Variants in RYR1 observed in about 807,000 individuals in gnomAD.
RYR1 encodes ryanodine receptor 1, also known as central core disease of muscle.
Under a neutral mutation model 583.5 loss-of-function variants are expected in RYR1, and 342 were observed. That is an observed-to-expected ratio of 0.59 (90% confidence interval 0.54 to 0.64). RYR1 has a LOEUF of 0.64. Ranked by LOEUF, RYR1 falls within the 30% of genes least tolerant of loss-of-function variation. RYR1 has a pLI of 0.00. For missense variants in RYR1, 6,032 were observed against 6,917.2 expected, an observed-to-expected ratio of 0.87 and a Z score of 4.54; for synonymous variants, 2,791 against 2,822.5, an observed-to-expected ratio of 0.99 and a Z score of 0.35.
At chr19:38,501,686 A>G (rs1417130188) in intron 47 of RYR1, among the ~76,000 whole-genome samples, 7 of 152,016 alleles carry the variant, frequency 4.6e-5, no homozygotes, top group Non-Finnish European at 8.8e-5. Context: ...GCCTTCCGAG[A>G]GGGGGTTTAA....
intron 34 of RYR1, among the ~76,000 whole-genome samples, chr19:38,486,622 T>C (rs1969312955): frequency 6.6e-6 from 1 of 152,200 alleles, no homozygotes; most frequent in South Asian, 2.1e-4. Flanking sequence ...ATTACAGGCG[T>C]GAGCCACCGC....
Position 38,460,464 on chromosome 19 carries a change from G to A in RYR1, c.2450G>A (p.Arg817Gln), listed in dbSNP as rs759902314. The A allele has an allele frequency of 5.0e-5, 81 of 1,614,076 alleles. No individual in the cohort carries two copies. The highest frequency in any genetic ancestry group is 5.8e-5 in the Non-Finnish European group (69 of 1,180,034). ...YAPCHEAVLP[R>Q]ERLHLEPIKE... The stretch of plus-strand genomic sequence containing the variant: ...CCATGCCATGAGGCTGTGCTCCCTC[G>A]AGAGCGACTCCATCTTGAACCCATC... The change falls in exon 20 of 106, where the codon CGA (arginine) becomes CAA (glutamine). Residue 817 changes from arginine to glutamine, a missense_variant. Physicochemically the swap from Arg to Gln is conservative, Grantham distance 43 (BLOSUM62 1). Transcript: ENST00000359596.
In RYR1 at chr19:38,478,588, C is replaced by G. The variant is rs1407277477; in HGVS notation, c.4608C>G (p.Asn1536Lys). The G allele has an allele frequency of 1.9e-6, 3 of 1,612,036 alleles. No individual in the cohort carries two copies. In the African/African-American group the frequency reaches 4.0e-5, roughly 22 times the overall value. The change falls in exon 31 of 106, where the codon AAC (asparagine) becomes AAG (lysine). Residue 1536 changes from asparagine to lysine, a missense_variant. Around this residue, in one of 11 missense-constraint regions of RYR1, gnomAD observed 2,627 missense variants for 2,961.3 expected, o/e 0.89. Transcript: ENST00000359596. ...TTACAGCCAATGGCAAAGAGAGCAA[C>G]ACCTTTTTCCAGGTGAGTCCAGGCC... ...MTFTANGKES[N>K]TFFQVEPNTK... is the part of the protein sequence containing the mutation.
At position 38,490,812 on chromosome 19, in the gene RYR1, GA is replaced by G; in HGVS notation, c.6127+81del. 6 of 879,832 alleles carry G rather than the reference GA, an allele frequency of 6.8e-6. No homozygotes were observed. The South Asian group carries it at 8.0e-5, about 12-fold the overall frequency. The allele number at this position is 879,832 out of a possible 1,614,324, so 54.5% of individuals were successfully genotyped here. The stretch of plus-strand genomic sequence containing the variant: ...TCCAGAAGTTTCCCTAAGATTTCCT[GA>G]CAACCCTCTACAGTATCGGTGCTAT... On this transcript the variant is annotated intron_variant, in intron 37 of 105. Transcript: ENST00000359596.
chr19:38,543,564 G>A lies in RYR1; in HGVS notation c.11811G>A (p.Ser3937=), dbSNP rs794727946. The A allele has an allele frequency of 1.7e-5, 27 of 1,613,932 alleles. No individual in the cohort carries two copies. Among genetic ancestry groups the A allele is most frequent in the Non-Finnish European group, 2.2e-5 (26 of 1,180,014 alleles). The change falls in exon 86 of 106, where the codon TCG becomes TCA. Residue 3937 remains serine, a synonymous_variant. Coordinates refer to ENST00000359596, the MANE Select transcript of RYR1 (RefSeq NM_000540.3). This position sits in a 1 kb window ranked among gnomAD's most constrained non-coding sequence, Gnocchi z 4.4. ...ESISDFYWYY[S]GKDVIEEQGK... ...TCAGCGACTTCTACTGGTACTACTC[G>A]GGCAAGGATGTCATTGAAGAGCAGG...
At position 38,465,539 on chromosome 19, in the gene RYR1, C is replaced by T. The variant is rs1009650909; in HGVS notation, c.2871-552C>T. Among the ~76,000 whole-genome samples, 9 of 151,900 alleles carry T rather than the reference C, an allele frequency of 5.9e-5. No homozygotes were observed. The South Asian group carries it at 6.2e-4, about 11-fold the overall frequency. On this transcript the variant is annotated intron_variant, in intron 23 of 105. Transcript: ENST00000359596. ...GAGCACTTTGGGAGGCCGAGGCGGGCGGATCACCTGAGGTCGGGAATTCGA... is the reference window on the plus strand; with the variant it reads ...GAGCACTTTGGGAGGCCGAGGCGGGTGGATCACCTGAGGTCGGGAATTCGA...
In RYR1 at chr19:38,490,614, C is replaced by T. The variant is rs1969510146; in HGVS notation, c.6016-7C>T. 1.3e-6 allele frequency: 2 copies of T among 1,562,630 alleles called. No individual in the cohort carries two copies. The highest frequency in any genetic ancestry group is 1.4e-5 in the African/African-American group (1 of 74,072). On this transcript the variant is annotated splice_polypyrimidine_tract_variant and splice_region_variant and intron_variant, in intron 36 of 105. Coordinates refer to ENST00000359596, the MANE Select transcript of RYR1 (RefSeq NM_000540.3). Reference sequence around the variant, plus strand: ...GACCCTCATTCTAATCTTTGACCTTCCCCTAGATCAATATGCTATTGCAAT... The same window carrying T: ...GACCCTCATTCTAATCTTTGACCTTTCCCTAGATCAATATGCTATTGCAAT...
intron 73 of RYR1, 26 bp downstream of exon 73, chr19:38,527,810 T>C (rs888852254): frequency 1.2e-6 from 2 of 1,612,920 alleles, no homozygotes; most frequent in Middle Eastern, 1.7e-4. Context: ...GGGGTCTTTC[T>C]ACTGGGTCTC....
chr19:38,548,190 A>G, intron 88 of RYR1, 43 bp from the exon 89 acceptor site: 1 of 1,611,678 alleles, frequency 6.2e-7, no homozygotes, highest in East Asian at 2.2e-5. Context: ...GGGGCCCCAG[A>G]AGGGAGTGTT....
Position 38,500,947 on chromosome 19 carries a change from T to C in RYR1, c.7571T>C (p.Val2524Ala). The change falls in exon 47 of 106, where the codon GTG (valine) becomes GCG (alanine). Residue 2524 changes from valine (V) to alanine (A), a missense_variant. Around this residue, in one of 11 missense-constraint regions of RYR1, gnomAD observed 2,627 missense variants for 2,961.3 expected, o/e 0.89. Coordinates refer to ENST00000359596, the MANE Select transcript of RYR1 (RefSeq NM_000540.3). The surrounding 1 kb of genome is among the most constrained non-coding windows in gnomAD (Gnocchi z 5.9). ...NQDFLLHVLD[V>A]GFLPDMRAAA... ...GACTTCTTGCTGCACGTGCTGGACG[T>C]GGGGTTCCTGCCCGACATGAGGGCA... 6.2e-7 allele frequency: 1 copy of C among 1,613,650 alleles called. No individual in the cohort carries two copies. The highest frequency in any genetic ancestry group is 8.5e-7 in the Non-Finnish European group (1 of 1,179,974).
In RYR1 at chr19:38,565,912, T is replaced by C. The variant is rs1599637000; in HGVS notation, c.13437+141T>C. 1 of 1,006,356 alleles carries C rather than the reference T, an allele frequency of 9.9e-7. No individual in the cohort carries two copies. The highest frequency in any genetic ancestry group is 1.3e-6 in the Non-Finnish European group (1 of 763,640). The allele number at this position is 1,006,356 out of a possible 1,614,324, so 62.3% of individuals were successfully genotyped here. ...CACGCACCCACGGAGGACGCACCCA[T>C]GGAGGACGCACACGGGGACAGCGGG... On this transcript the variant is annotated intron_variant, in intron 91 of 105. Transcript: ENST00000359596. This position sits in a 1 kb window ranked among gnomAD's most constrained non-coding sequence, Gnocchi z 4.7.
In RYR1 at chr19:38,574,247, G is replaced by T. The variant is rs1180891638; in HGVS notation, c.14129+940G>T. 4.5e-5 allele frequency among the ~76,000 whole-genome samples: 6 copies of T among 132,956 alleles called. 1 individual carries two copies. The highest frequency in any genetic ancestry group is 1.7e-4 in the African/African-American group (6 of 35,010). 87.2% of individuals were successfully genotyped at this position (132,956 alleles called of 152,430 possible). On this transcript the variant is annotated intron_variant, in intron 96 of 105. Transcript: ENST00000359596. The stretch of plus-strand genomic sequence containing the variant: ...TGCACTCCAGCCTGGGCAACAGAGC[G>T]AGACTCCATCTGAAAAAAAAAAAAA...
rs774433122 is a variant in RYR1 at position 38,502,541 on chromosome 19, TG to T, written c.7650del (p.Asn2551ThrfsTer195). 3.7e-6 allele frequency: 6 copies of T among 1,609,756 alleles called. No individual in the cohort carries two copies. On this transcript the variant is annotated frameshift_variant, in exon 48 of 106. Coordinates refer to ENST00000359596, the MANE Select transcript of RYR1 (RefSeq NM_000540.3). LOFTEE classifies it high-confidence loss of function. ...AGCACCACCGAGATGGCGCTGGCGCTGAACCGCTACCTGTGCCTGGCCGTGC... is the reference window on the plus strand; with the variant it reads ...AGCACCACCGAGATGGCGCTGGCGCTAACCGCTACCTGTGCCTGGCCGTGC... ...TFSTTEMALA[L>X]NRYLCLAVLP...
chr19:38,555,234 T>G (rs957795486), intron 89 of RYR1, among the ~76,000 whole-genome samples: 2 of 152,062 alleles, frequency 1.3e-5, no homozygotes, highest in Admixed American at 1.3e-4. Context: ...GTGGACTGTT[T>G]GAGTCCAGGT....
Position 38,575,909 on chromosome 19 carries a change from C to A in RYR1, c.14130-10C>A. 1 of 1,614,192 alleles carries A rather than the reference C, an allele frequency of 6.2e-7. No individual in the cohort carries two copies. The highest frequency in any genetic ancestry group is 8.5e-7 in the Non-Finnish European group (1 of 1,180,016). On this transcript the variant is annotated splice_polypyrimidine_tract_variant and intron_variant, in intron 96 of 105. Coordinates refer to ENST00000359596, the MANE Select transcript of RYR1 (RefSeq NM_000540.3). Reference sequence around the variant, plus strand: ...TCTTATACTCACGCTTTCTCTCTCTCTCTCTGCAGGTCTTTCCCTAGCAAC... The same window carrying A: ...TCTTATACTCACGCTTTCTCTCTCTATCTCTGCAGGTCTTTCCCTAGCAAC...
At chr19:38,548,473 C>T (rs1972527979) in intron 89 of RYR1, 53 bp downstream of exon 89, 5 of 1,564,956 alleles carry the variant, frequency 3.2e-6, no homozygotes, top group African/African-American at 1.4e-5. Context: ...TGCCAAGGGC[C>T]AGCCATACCC....
In RYR1 at chr19:38,448,807, G is replaced by A. The variant is rs193922763; in HGVS notation, c.1116G>A (p.Lys372=). ...AGGCCCTGCGGCTCGGCGTGCTCAA[G>A]AAGAAGGTGGGTGTAATCCCAGCTA... The part of the protein sequence containing the change: ...DPKALRLGVL[K]KKAMLHQEGH... Residue 372 remains lysine (K), a synonymous_variant, in exon 11 of 106, where the codon AAG becomes AAA. Coordinates refer to ENST00000359596, the MANE Select transcript of RYR1 (RefSeq NM_000540.3). The A allele has an allele frequency of 6.2e-7, 1 of 1,613,708 alleles. No individual in the cohort carries two copies. The highest frequency in any genetic ancestry group is 1.7e-4 in the Middle Eastern group (1 of 5,828).
chr19:38,446,839 G>C (rs765222894), intron 9 of RYR1, 71 bp downstream of exon 9: 236 of 1,212,744 alleles, frequency 1.9e-4, no homozygotes, highest in Middle Eastern at 2.5e-4. Flanking sequence ...GGACAGAAAA[G>C]GTCTTGAGGG....
chr19:38,583,803 T>G (rs1482450249), intron 101 of RYR1, among the ~76,000 whole-genome samples: 3 of 152,026 alleles, frequency 2.0e-5, no homozygotes, highest in Non-Finnish European at 4.4e-5. Flanking sequence ...ATTCACTTGA[T>G]ACCTCACCTT....
Sources: allele counts gnomAD v4.1 joint callset (sites outside exome capture counted in the v4.1 genomes callset), GRCh38; gene constraint gnomAD v4.1.1; regional missense constraint gnomAD v4.1.1; non-coding constraint Gnocchi (gnomAD v3.1); transcripts MANE v1.5; gene names NCBI Gene and HGNC (gene_info 2026-07-23, HGNC 2026-07-21).